The following ZFP14 variants were observed in gnomAD, a reference collection of about 807,000 sequenced individuals.
ZFP14 encodes zinc finger protein 14 homolog.
Under a neutral mutation model 54.5 loss-of-function variants are expected in ZFP14, and 22 were observed. The ratio of observed to expected loss-of-function variants is 0.40; its 90% CI spans 0.29 to 0.58. The LOEUF (loss-of-function observed/expected upper bound fraction) is 0.58. ZFP14 is among the 20% of genes least tolerant of loss of function. ZFP14 has a pLI of 0.39. For synonymous variants in ZFP14, 159 were observed against 204.0 expected (o/e 0.78, Z 1.88); for missense variants, 470 against 637.8 (o/e 0.74, Z 2.83).
At chr19:36,364,397 G>A (rs942007542) in intron 2 of ZFP14, among the ~76,000 whole-genome samples, 1 of 152,130 alleles carries the variant, frequency 6.6e-6, no homozygotes, top group African/African-American at 2.4e-5. Flanking sequence ...TTCCTGCAGT[G>A]GTATGTGATT....
Position 36,355,294 on chromosome 19 carries a change from G to GT in ZFP14, c.235+5140dup, listed in dbSNP as rs1035144375. ...TTTGAATGTTGAGCCCTAACTAACT[G>GT]TATGTGGAGATGGGGCTTTTAGGAG... On this transcript the variant is annotated intron_variant, in intron 4 of 4. Coordinates refer to ENST00000270001, the MANE Select transcript of ZFP14 (RefSeq NM_020917.3). Among the ~76,000 whole-genome samples, 3 of 143,172 alleles carry GT rather than the reference G, an allele frequency of 2.1e-5. 1 individual carries two copies. The highest frequency in any genetic ancestry group is 7.7e-5 in the African/African-American group (3 of 39,088). The allele number at this position is 143,172 out of a possible 152,430, so 93.9% of individuals were successfully genotyped here. A position where few individuals can be genotyped will look rare whatever the true frequency, so the allele number is the denominator to read the frequency against.
At position 36,349,251 on chromosome 19, in the gene ZFP14, A is replaced by C. The variant is rs867064126; in HGVS notation, c.236-7661T>G. Among the ~76,000 whole-genome samples, 21 of 69,956 alleles carry C rather than the reference A, an allele frequency of 3.0e-4. 1 individual carries two copies. Among genetic ancestry groups the C allele is most frequent in the East Asian group, 2.0e-3 (6 of 3,016 alleles). The allele number at this position is 69,956 out of a possible 152,430, so 45.9% of individuals were successfully genotyped here. ...TGTCTCAAAAAAAAAAACAAAAAAA[A>C]AAAAACAAAAAAAAAAAAACAGGAA... On this transcript the variant is annotated intron_variant, in intron 4 of 4. Coordinates refer to ENST00000270001, the MANE Select transcript of ZFP14 (RefSeq NM_020917.3).
rs1013517921 is a variant in ZFP14, at chr19:36,339,123, A to T, written c.*1101T>A. On this transcript the variant is annotated 3_prime_UTR_variant, in exon 5 of 5. Coordinates refer to ENST00000270001, the MANE Select transcript of ZFP14 (RefSeq NM_020917.3). The stretch of plus-strand genomic sequence containing the variant: ...GAACTTCCTACATTCACTACAATCT[A>T]AATTTTACCTAGAATAAATTATGTT... The T allele has an allele frequency of 2.0e-5, 3 of 152,210 alleles. No individual in the cohort carries two copies. The highest frequency in any genetic ancestry group is 4.4e-5 in the Non-Finnish European group (3 of 68,030). 9.4% of individuals were successfully genotyped at this position (152,210 alleles called of 1,614,324 possible).
Position 36,353,349 on chromosome 19 carries a change from A to C in ZFP14, c.235+7086T>G, listed in dbSNP as rs1194261345. Reference sequence around the variant, plus strand: ...GAAATAGCCTCCTAGTGGGTCTTCAAACTATCCATCATGCCCTTATTCAAT... The same window carrying C: ...GAAATAGCCTCCTAGTGGGTCTTCACACTATCCATCATGCCCTTATTCAAT... On this transcript the variant is annotated intron_variant, in intron 4 of 4. Coordinates refer to ENST00000270001, the MANE Select transcript of ZFP14 (RefSeq NM_020917.3). 1.4e-5 allele frequency among the ~76,000 whole-genome samples: 2 copies of C among 143,084 alleles called. 1 individual carries two copies. The highest frequency in any genetic ancestry group is 5.1e-5 in the African/African-American group (2 of 38,996). 93.9% of individuals were successfully genotyped at this position (143,084 alleles called of 152,430 possible). A position where few individuals can be genotyped will look rare whatever the true frequency, so the allele number is the denominator to read the frequency against.
chr19:36,367,873 C>T lies in ZFP14; in HGVS notation c.9+11G>A. ...CAGTATTTCGAAAAGGACAGAGAAA[C>T]ATTAACTTACATGGGCCATGGTTTT... On this transcript the variant is annotated intron_variant, in intron 2 of 4. Coordinates refer to ENST00000270001, the MANE Select transcript of ZFP14 (RefSeq NM_020917.3). 1 of 1,611,332 alleles carries T rather than the reference C, an allele frequency of 6.2e-7. No individual in the cohort carries two copies. Among genetic ancestry groups the T allele is most frequent in the South Asian group, 1.1e-5 (1 of 90,518 alleles).
At chr19:36,352,919 C>T (rs1329586461) in intron 4 of ZFP14, among the ~76,000 whole-genome samples, 4 of 131,632 alleles carry the variant, frequency 3.0e-5, no homozygotes, top group East Asian at 2.2e-4. Flanking sequence ...CCAGCCCGGG[C>T]GACAGAGCGA....
chr19:36,369,866 ACT>A (rs1487984723), intron 1 of ZFP14, among the ~76,000 whole-genome samples: 1 of 151,486 alleles, frequency 6.6e-6, no homozygotes, highest in Non-Finnish European at 1.5e-5. Context: ...ACACGGTCTC[ACT>A]CTGTTACCCA....
chr19:36,364,345 G>C (rs774591694), intron 2 of ZFP14, among the ~76,000 whole-genome samples: 5 of 152,180 alleles, frequency 3.3e-5, no homozygotes, highest in Non-Finnish European at 7.3e-5. Context: ...AGGGGTATGG[G>C]AGGCAGGCTT....
chr19:36,362,054 T>A, intron 3 of ZFP14, 58 bp downstream of exon 3: 2 of 1,526,720 alleles, frequency 1.3e-6, no homozygotes, highest in Middle Eastern at 1.8e-4. Context: ...TTTTTCTAAA[T>A]ATAGTCCTGA....
chr19:36,363,189 CTTTTTTTT>C (rs772799449), intron 2 of ZFP14, among the ~76,000 whole-genome samples: 1 of 97,752 alleles, frequency 1.0e-5, no homozygotes, highest in African/African-American at 3.9e-5. Flanking sequence ...CTTTTCTTTT[CTTTTTTTT>C]TTTTTTTTTT....
chr19:36,368,147 C>T (rs2031823760), intron 1 of ZFP14, among the ~76,000 whole-genome samples, 176 bp from the exon 2 acceptor site: 1 of 152,160 alleles, frequency 6.6e-6, no homozygotes, highest in Non-Finnish European at 1.5e-5. Flanking sequence ...CCACATATAA[C>T]TGGGGAAAAG....
At position 36,355,413 on chromosome 19, in the gene ZFP14, C is replaced by T. The variant is rs528893999; in HGVS notation, c.235+5022G>A. On this transcript the variant is annotated intron_variant, in intron 4 of 4. Transcript: ENST00000270001. ...AAGAAGAGGGCCAGGTGCAGTGGCT[C>T]GCGCCTGTAATCCCAGCACCTTGGG... is the stretch of plus-strand genomic sequence containing the variant. 2.1e-5 allele frequency among the ~76,000 whole-genome samples: 3 copies of T among 142,616 alleles called. 1 individual carries two copies. The highest frequency in any genetic ancestry group is 4.5e-4 in the South Asian group (2 of 4,468). 93.6% of individuals were successfully genotyped at this position (142,616 alleles called of 152,430 possible).
intron 4 of ZFP14, among the ~76,000 whole-genome samples, chr19:36,344,161 C>A (rs2031372917): frequency 6.6e-6 from 1 of 152,118 alleles, no homozygotes; most frequent in African/African-American, 2.4e-5. Flanking sequence ...CACCACCAGG[C>A]TCGGCTAATT....
In ZFP14 at chr19:36,339,765, G is replaced by T. The variant is rs1454215620; in HGVS notation, c.*459C>A. On this transcript the variant is annotated 3_prime_UTR_variant, in exon 5 of 5. Transcript: ENST00000270001. ...GGCTGAAATCTGTAGCCTTGCAAGA[G>T]ACCCTGAAGCAGAGGACCCAACTAA... 1 of 154,014 alleles carries T rather than the reference G, an allele frequency of 6.5e-6. No individual in the cohort carries two copies. Among genetic ancestry groups the T allele is most frequent in the Non-Finnish European group, 1.4e-5 (1 of 69,346 alleles). 9.5% of individuals were successfully genotyped at this position (154,014 alleles called of 1,614,324 possible). A position where few individuals can be genotyped will look rare whatever the true frequency, so the allele number is the denominator to read the frequency against.
chr19:36,338,092 C>T lies in ZFP14; in HGVS notation c.*2132G>A, dbSNP rs1333533076. On this transcript the variant is annotated 3_prime_UTR_variant, in exon 5 of 5. Coordinates refer to ENST00000270001, the MANE Select transcript of ZFP14 (RefSeq NM_020917.3). ...TCTCAGCTCACTGCAAACTCTGCCTCTTGGGTTCAAGTGATCCTCCCACCT... is the reference window on the plus strand; with the variant it reads ...TCTCAGCTCACTGCAAACTCTGCCTTTTGGGTTCAAGTGATCCTCCCACCT... 1 of 152,242 alleles carries T rather than the reference C, an allele frequency of 6.6e-6. No homozygotes were observed. Among genetic ancestry groups the T allele is most frequent in the Non-Finnish European group, 1.5e-5 (1 of 68,094 alleles). The allele number at this position is 152,242 out of a possible 1,614,324, so 9.4% of individuals were successfully genotyped here. A position where few individuals can be genotyped will look rare whatever the true frequency, so the allele number is the denominator to read the frequency against.
At chr19:36,355,975 T>C (rs2031606451) in intron 4 of ZFP14, among the ~76,000 whole-genome samples, 1 of 142,828 alleles carries the variant, frequency 7.0e-6, no homozygotes, top group South Asian at 2.2e-4. Flanking sequence ...CTTTGTCAAA[T>C]CTTTTCCCCA....
At chr19:36,342,896 A>G (rs10418925) in intron 4 of ZFP14, among the ~76,000 whole-genome samples, 69,107 of 152,092 alleles carry the variant, frequency 0.45, 15,787 homozygotes, top group African/African-American at 0.52. Context: ...ACTGGACTAG[A>G]AAAATTACTC....
In ZFP14 at chr19:36,348,583, GC is replaced by G. The variant is rs2031459162; in HGVS notation, c.236-6994del. 2.0e-5 allele frequency among the ~76,000 whole-genome samples: 3 copies of G among 152,098 alleles called. No individual in the cohort carries two copies. In the South Asian group the frequency reaches 6.2e-4, roughly 32 times the overall value. On this transcript the variant is annotated intron_variant, in intron 4 of 4. Coordinates refer to ENST00000270001, the MANE Select transcript of ZFP14 (RefSeq NM_020917.3). ...ACAATCTTGGCTCACTGCAACCTCC[GC>G]CTCCTGGATTCAAGCGATTCTCCTG...
At chr19:36,376,402 C>G (rs1294681167) in intron 1 of ZFP14, among the ~76,000 whole-genome samples, 1 of 151,968 alleles carries the variant, frequency 6.6e-6, no homozygotes, top group Non-Finnish European at 1.5e-5. Context: ...AAAAATTAGC[C>G]AGGCATGGTG....
Sources: gnomAD v4.1 joint callset for allele counts (sites outside exome capture counted in the v4.1 genomes callset) on GRCh38, gnomAD v4.1.1 for gene constraint, MANE v1.5 for transcripts, NCBI Gene and HGNC (gene_info 2026-07-23, HGNC 2026-07-21) for gene names.